The following SLIT3 variants were observed in gnomAD, a reference collection of about 807,000 sequenced individuals.
The protein encoded by SLIT3 is slit homolog 3 protein.
A neutral mutation model predicts 184.0 loss-of-function variants in SLIT3; 68 were observed. The observed-to-expected ratio is 0.37, with a 90% CI of 0.30 to 0.45. The LOEUF (loss-of-function observed/expected upper bound fraction) is 0.45. Ranked by LOEUF, SLIT3 falls within the 20% of genes least tolerant of loss-of-function variation. The probability of loss-of-function intolerance (pLI) is 1.00; values close to 1 mark genes in which losing one functional copy is unlikely to be tolerated. For synonymous variants in SLIT3, 831 were observed against 828.6 expected, an observed-to-expected ratio of 1.00 and a Z score of -0.05; for missense variants, 1,707 against 2,026.0, an observed-to-expected ratio of 0.84 and a Z score of 3.02.
intron 4 of SLIT3, 134 bp from the exon 5 acceptor site, chr5:168,883,470 C>T (rs990439006): frequency 3.0e-5 from 20 of 655,738 alleles, no homozygotes; most frequent in East Asian, 1.1e-4. Flanking sequence ...TGTTTGGTCT[C>T]GGGCCCCAGG....
At position 168,872,029 on chromosome 5, in the gene SLIT3, C is replaced by T. The variant is rs149130771; in HGVS notation, c.485+11236G>A. Among the ~76,000 whole-genome samples, 251 of 152,326 alleles carry T rather than the reference C, an allele frequency of 1.6e-3. 1 individual carries two copies. The highest frequency in any genetic ancestry group is 5.6e-3 in the African/African-American group (234 of 41,568). ...TGAAGGAGAGACTTTCACACTCATA[C>T]GCTTCACACTGTGGCTGGGAAGCTG... is the stretch of plus-strand genomic sequence containing the variant. On this transcript the variant is annotated intron_variant, in intron 5 of 35. Coordinates refer to ENST00000519560, the MANE Select transcript of SLIT3 (RefSeq NM_003062.4).
chr5:168,754,773 A>G (rs1754837286), intron 16 of SLIT3, among the ~76,000 whole-genome samples: 1 of 152,206 alleles, frequency 6.6e-6, no homozygotes, highest in South Asian at 2.1e-4. Flanking sequence ...ATTTAAAAAA[A>G]CAGGCTGGAT....
intron 4 of SLIT3, among the ~76,000 whole-genome samples, chr5:169,064,542 T>A (rs571811897): frequency 6.6e-6 from 1 of 152,214 alleles, no homozygotes; most frequent in Non-Finnish European, 1.5e-5. Context: ...TTAGGTTACA[T>A]AGCTGGAAAC....
At chr5:168,798,702 C>T (rs1756663941) in intron 9 of SLIT3, among the ~76,000 whole-genome samples, 1 of 152,058 alleles carries the variant, frequency 6.6e-6, no homozygotes, top group Non-Finnish European at 1.5e-5. Flanking sequence ...GTTTGTGTAC[C>T]TTCAATGTAA....
intron 4 of SLIT3, among the ~76,000 whole-genome samples, chr5:168,943,091 G>A (rs1056572595): frequency 8.5e-5 from 13 of 152,168 alleles, no homozygotes; most frequent in African/African-American, 2.7e-4. Context: ...AGATTGATTG[G>A]TAATTTACAT....
At chr5:169,177,635 T>C (rs1763024637) in intron 4 of SLIT3, among the ~76,000 whole-genome samples, 1 of 152,186 alleles carries the variant, frequency 6.6e-6, no homozygotes, top group African/African-American at 2.4e-5. Context: ...GGGTCTTTTC[T>C]TAAATACAAA....
chr5:169,274,884 G>A (rs901751977), intron 1 of SLIT3, among the ~76,000 whole-genome samples: 3 of 152,136 alleles, frequency 2.0e-5, no homozygotes, highest in Non-Finnish European at 2.9e-5. Flanking sequence ...TTTTTCTTCT[G>A]GAAATTTGAT....
At chr5:169,207,586 T>C (rs778327363) in intron 3 of SLIT3, among the ~76,000 whole-genome samples, 1 of 152,202 alleles carries the variant, frequency 6.6e-6, no homozygotes, top group African/African-American at 2.4e-5. Flanking sequence ...CATGATGTGT[T>C]TGATGTTCAA....
intron 4 of SLIT3, among the ~76,000 whole-genome samples, chr5:169,103,686 C>T (rs1025435749): frequency 6.6e-6 from 1 of 152,238 alleles, no homozygotes; most frequent in Non-Finnish European, 1.5e-5. Context: ...GAACTGCTTG[C>T]AGCCTGCAAC....
At chr5:169,177,572 C>T (rs142431495) in intron 4 of SLIT3, among the ~76,000 whole-genome samples, 142 of 152,250 alleles carry the variant, frequency 9.3e-4, no homozygotes, top group African/African-American at 3.2e-3. Context: ...CCCTGCCCAC[C>T]AGGAAAGCCT....
chr5:169,173,027 G>A (rs778031826), intron 4 of SLIT3, among the ~76,000 whole-genome samples: 43 of 152,254 alleles, frequency 2.8e-4, no homozygotes, highest in Non-Finnish European at 3.7e-4. Context: ...TTTGAAAGGC[G>A]CAGAGGGGTG....
At chr5:169,273,530 G>A (rs1487730661) in intron 1 of SLIT3, among the ~76,000 whole-genome samples, 10 of 152,208 alleles carry the variant, frequency 6.6e-5, no homozygotes, top group Non-Finnish European at 1.5e-4. Context: ...AACACTTGCT[G>A]CCCAGGCCAC....
In SLIT3 at chr5:169,263,616, T is replaced by C. The variant is rs761599170; in HGVS notation, c.198-12157A>G. On this transcript the variant is annotated intron_variant, in intron 1 of 35. Coordinates refer to ENST00000519560, the MANE Select transcript of SLIT3 (RefSeq NM_003062.4). ...TTGTGGTACATTGTTACAGCAGCCC[T>C]AGCATACAGATACGCCCAACGTTCA... The C allele has an allele frequency of 3.4e-4, 163 of 483,530 alleles. 1 individual carries two copies. The highest frequency in any genetic ancestry group is 6.0e-4 in the Non-Finnish European group (146 of 243,252). The allele number at this position is 483,530 out of a possible 1,614,324, so 30.0% of individuals were successfully genotyped here. A position where few individuals can be genotyped will look rare whatever the true frequency, so the allele number is the denominator to read the frequency against.
rs1296100482 is a variant in SLIT3 at position 168,665,452 on chromosome 5, C to T, written c.*1002G>A. The T allele has an allele frequency of 7.2e-5, 11 of 152,280 alleles. No homozygotes were observed. The highest frequency in any genetic ancestry group is 7.2e-4 in the Admixed American group (11 of 15,278). The allele number at this position is 152,280 out of a possible 1,614,324, so 9.4% of individuals were successfully genotyped here. A position where few individuals can be genotyped will look rare whatever the true frequency, so the allele number is the denominator to read the frequency against. On this transcript the variant is annotated 3_prime_UTR_variant, in exon 36 of 36. Transcript: ENST00000519560. ...CAAGAAGGGCTGACTACCTTCTCTA[C>T]TGGGATACATTCCAATGAAAAATTA... is the stretch of plus-strand genomic sequence containing the variant.
At chr5:169,209,767 A>G (rs1001186800) in intron 3 of SLIT3, among the ~76,000 whole-genome samples, 2 of 152,124 alleles carry the variant, frequency 1.3e-5, no homozygotes, top group African/African-American at 4.8e-5. Flanking sequence ...GGACATAGCA[A>G]GGGGAACCTC....
chr5:169,296,171 C>T (rs974620031), intron 1 of SLIT3, among the ~76,000 whole-genome samples: 18 of 152,134 alleles, frequency 1.2e-4, no homozygotes, highest in African/African-American at 4.3e-4. Context: ...CTATAATGGC[C>T]CATCTTTCAC....
At chr5:169,209,461 T>A (rs1561740399) in intron 3 of SLIT3, among the ~76,000 whole-genome samples, 1 of 152,138 alleles carries the variant, frequency 6.6e-6, no homozygotes, top group East Asian at 1.9e-4. Context: ...CCCAAAGAAT[T>A]ATAAATCATT....
rs770091737 is a variant in SLIT3, at chr5:168,671,232, C to T, written c.4093G>A (p.Asp1365Asn). The T allele has an allele frequency of 1.6e-5, 25 of 1,611,892 alleles. No homozygotes were observed. Among genetic ancestry groups the T allele is most frequent in the Admixed American group, 5.0e-5 (3 of 59,946 alleles). ...CRPGWTGPLCDQEARDPCLGH... is the reference protein window; with the variant it reads ...CRPGWTGPLCNQEARDPCLGH... Reference sequence around the variant, plus strand: ...AGGCAGGGGTCCCGGGCCTCCTGATCGCAGAGTGGGCCGGTCCAGCCTGGG... The same window carrying T: ...AGGCAGGGGTCCCGGGCCTCCTGATTGCAGAGTGGGCCGGTCCAGCCTGGG... Residue 1365 changes from aspartate (D) to asparagine (N), a missense_variant, in exon 34 of 36, where the codon GAT (aspartate) becomes AAT (asparagine). Asp to Asn is a conservative substitution (Grantham distance 23). Around this residue, in one of 3 missense-constraint regions of SLIT3, gnomAD observed 387 missense variants for 477.9 expected, o/e 0.81. Coordinates refer to ENST00000519560, the MANE Select transcript of SLIT3 (RefSeq NM_003062.4).
intron 4 of SLIT3, among the ~76,000 whole-genome samples, chr5:168,967,133 A>G (rs1368535636): frequency 1.3e-5 from 2 of 152,116 alleles, no homozygotes; most frequent in Non-Finnish European, 2.9e-5. Flanking sequence ...GATGTTATTT[A>G]TGAATTTGGA....
Sources: allele counts gnomAD v4.1 joint callset (sites outside exome capture counted in the v4.1 genomes callset), GRCh38; gene constraint gnomAD v4.1.1; regional missense constraint gnomAD v4.1.1; transcripts MANE v1.5; gene names NCBI Gene and HGNC (gene_info 2026-07-23, HGNC 2026-07-21).